The following ARPP21 variants were observed in gnomAD, a reference collection of about 807,000 sequenced individuals.
ARPP21 encodes the protein cAMP regulated phosphoprotein 21.
A neutral mutation model predicts 113.2 loss-of-function variants in ARPP21; 69 were observed. The observed-to-expected ratio is 0.61, with a 90% CI of 0.50 to 0.74. The LOEUF (loss-of-function observed/expected upper bound fraction) is 0.74. Among genes scored for constraint, ARPP21 ranks in the 30% least tolerant of loss-of-function variants. ARPP21 has a pLI of 0.00. For missense variants in ARPP21, 1,070 were observed against 1,037.4 expected (o/e 1.03, Z -0.43); for synonymous variants, 368 against 375.5 (o/e 0.98, Z 0.23).
chr3:35,749,431 C>CAAAA (rs61007987), intron 19 of ARPP21, among the ~76,000 whole-genome samples: 4,559 of 100,640 alleles, frequency 0.045, 103 homozygotes, highest in Non-Finnish European at 0.066. Context: ...TTCCTAAAAG[C>CAAAA]AAAAAAAAAA....
At chr3:35,659,256 T>C (rs115097905) in intron 1 of ARPP21, among the ~76,000 whole-genome samples, 2,237 of 152,184 alleles carry the variant, frequency 0.015, 56 homozygotes, top group African/African-American at 0.051. Context: ...GCACACAGAG[T>C]CCACAAACAC....
chr3:35,675,925 T>C (rs1490548891), intron 1 of ARPP21, among the ~76,000 whole-genome samples: 1 of 151,902 alleles, frequency 6.6e-6, no homozygotes, highest in African/African-American at 2.4e-5. Flanking sequence ...GTGTCATCAA[T>C]ATGTCAGAGG....
chr3:35,721,541 C>A, intron 13 of ARPP21, 64 bp from the exon 14 acceptor site: 1 of 937,626 alleles, frequency 1.1e-6, no homozygotes. Context: ...TGCTCTGTGC[C>A]TACCAACACC....
At chr3:35,680,866 G>T (rs2078699645) in intron 2 of ARPP21, 1 of 151,414 alleles carries the variant, frequency 6.6e-6, no homozygotes, top group Admixed American at 6.6e-5. Context: ...AATTATTCAT[G>T]AGCCTCATTT....
chr3:35,745,720 G>C (rs114888668), intron 19 of ARPP21, among the ~76,000 whole-genome samples: 4,072 of 152,272 alleles, frequency 0.027, 189 homozygotes, highest in African/African-American at 0.089. Context: ...AACTTTGTTA[G>C]TGGATGTCAA....
At chr3:35,770,530 G>C (rs530746031) in intron 19 of ARPP21, among the ~76,000 whole-genome samples, 1 of 152,250 alleles carries the variant, frequency 6.6e-6, no homozygotes, top group East Asian at 1.9e-4. Flanking sequence ...TCAAACAGTT[G>C]CTGCCACATT....
At chr3:35,744,958 T>C (rs1345095786) in intron 19 of ARPP21, among the ~76,000 whole-genome samples, 1 of 152,236 alleles carries the variant, frequency 6.6e-6, no homozygotes, top group Non-Finnish European at 1.5e-5. Context: ...GCTAGCATCC[T>C]GTCAGATTGG....
rs568165772 is a variant in ARPP21, at chr3:35,753,539, C to G, written c.2137+9574C>G. Among the ~76,000 whole-genome samples the G allele has an allele frequency of 2.6e-4, 39 of 152,072 alleles. No homozygotes were observed. The East Asian group carries it at 7.4e-3, about 29-fold the overall frequency. ...CCCTATCACCCTTTGCTCCTGGCAG[C>G]TCTTTCCTTCAATCATTTCAGTTTA... On this transcript the variant is annotated intron_variant, in intron 19 of 20. Coordinates refer to ENST00000684406, the MANE Select transcript of ARPP21 (RefSeq NM_001385562.1).
At chr3:35,706,897 G>A (rs2089312596) in intron 9 of ARPP21, 77 bp from the exon 10 acceptor site, 1 of 1,081,318 alleles carries the variant, frequency 9.2e-7, no homozygotes, top group South Asian at 1.5e-5. Context: ...GACACTGTGG[G>A]GGAAGAACAA....
chr3:35,673,670 G>T (rs1004868852), intron 1 of ARPP21, among the ~76,000 whole-genome samples: 7 of 151,860 alleles, frequency 4.6e-5, no homozygotes, highest in African/African-American at 1.7e-4. Flanking sequence ...TAACAACTTA[G>T]CAATTTTTGT....
At chr3:35,681,557 C>T in intron 2 of ARPP21, 157 bp from the exon 3 acceptor site, 1 of 541,988 alleles carries the variant, frequency 1.8e-6, no homozygotes, top group Non-Finnish European at 3.3e-6. Context: ...CTTGTGCATG[C>T]CTTGGGTACT....
intron 19 of ARPP21, among the ~76,000 whole-genome samples, chr3:35,750,080 A>G (rs1233867480): frequency 2.9e-5 from 2 of 68,228 alleles, no homozygotes; most frequent in African/African-American, 1.1e-4. Context: ...TTACTTTATT[A>G]TTTTCTTCCT....
chr3:35,731,074 CT>C (rs1351052322), intron 15 of ARPP21, among the ~76,000 whole-genome samples: 2 of 152,096 alleles, frequency 1.3e-5, no homozygotes, highest in African/African-American at 4.8e-5. Context: ...GGCTTAAATT[CT>C]TTCACTTTTA....
In ARPP21 at chr3:35,710,332, G is replaced by A. The variant is rs188232533; in HGVS notation, c.897+1262G>A. 2.4e-3 allele frequency among the ~76,000 whole-genome samples: 369 copies of A among 152,226 alleles called. 7 individuals carry two copies. The highest frequency in any genetic ancestry group is 0.021 in the Admixed American group (326 of 15,292). ...TTTTAGATAATGCAAAATACAGCCT[G>A]ACATATGGTGGGCCTTTAATTGTGT... On this transcript the variant is annotated intron_variant, in intron 11 of 20. Transcript: ENST00000684406.
rs1310693046 is a variant in ARPP21, at chr3:35,712,512, G to GTC, written c.898-2925_898-2924dup. On this transcript the variant is annotated intron_variant, in intron 11 of 20. Coordinates refer to ENST00000684406, the MANE Select transcript of ARPP21 (RefSeq NM_001385562.1). Reference sequence around the variant, plus strand: ...CCAAATATATCTTGGTGTCTAAGGTGTCTGTGTGTGTGTGTGTGTGTGTGT... The same window carrying GTC: ...CCAAATATATCTTGGTGTCTAAGGTGTCTCTGTGTGTGTGTGTGTGTGTGTGT... Among the ~76,000 whole-genome samples, 7 of 116,014 alleles carry GTC rather than the reference G, an allele frequency of 6.0e-5. No homozygotes were observed. The East Asian group carries it at 1.6e-3, about 26-fold the overall frequency. 76.1% of individuals were successfully genotyped at this position (116,014 alleles called of 152,430 possible).
At chr3:35,688,086 TA>T (rs1468066902) in intron 6 of ARPP21, among the ~76,000 whole-genome samples, 1 of 151,630 alleles carries the variant, frequency 6.6e-6, no homozygotes, top group South Asian at 2.1e-4. Flanking sequence ...CTAGACAGGT[TA>T]TTTTTAGGAT....
intron 14 of ARPP21, among the ~76,000 whole-genome samples, chr3:35,725,848 G>A (rs918855558): frequency 8.0e-5 from 12 of 150,052 alleles, no homozygotes; most frequent in African/African-American, 2.9e-4. Context: ...TCCACTGTGA[G>A]TAGCATGGAA....
intron 1 of ARPP21, among the ~76,000 whole-genome samples, chr3:35,668,006 AAGAAGAAG>A (rs2075217348): frequency 1.3e-5 from 2 of 149,556 alleles, no homozygotes; most frequent in African/African-American, 5.0e-5. Flanking sequence ...GAAGAAGAAG[AAGAAGAAG>A]AAGAAGAAGA....
intron 1 of ARPP21, among the ~76,000 whole-genome samples, chr3:35,667,155 A>G (rs528912565): frequency 4.9e-4 from 75 of 152,304 alleles, no homozygotes; most frequent in African/African-American, 1.8e-3. Context: ...ATTATCCTAC[A>G]TTCTTTAATC....
Sources: allele counts gnomAD v4.1 joint callset (sites outside exome capture counted in the v4.1 genomes callset), GRCh38; gene constraint gnomAD v4.1.1; transcripts MANE v1.5; gene names NCBI Gene and HGNC (gene_info 2026-07-23, HGNC 2026-07-21).